Variants in DYNC2H1 observed in about 807,000 individuals in gnomAD.
DYNC2H1 encodes the protein dynein cytoplasmic 2 heavy chain 1.
In DYNC2H1, 410 loss-of-function variants were observed where a neutral mutation model predicts 570.0. The ratio of observed to expected loss-of-function variants is 0.72; its 90% CI spans 0.66 to 0.78. The LOEUF (loss-of-function observed/expected upper bound fraction) is 0.78, where lower values mean the gene tolerates loss of function less well. Ranked by LOEUF, DYNC2H1 falls within the 30% of genes least tolerant of loss-of-function variation. The probability of loss-of-function intolerance (pLI) is 0.00; values close to 1 mark genes in which losing one functional copy is unlikely to be tolerated. For missense variants in DYNC2H1, 4,865 were observed against 5,046.4 expected, an observed-to-expected ratio of 0.96 and a Z score of 1.09; for synonymous variants, 1,688 against 1,677.6, an observed-to-expected ratio of 1.01 and a Z score of -0.15.
At chr11:103,119,809 T>C (rs777851471) in intron 6 of DYNC2H1, among the ~76,000 whole-genome samples, 1 of 152,232 alleles carries the variant, frequency 6.6e-6, no homozygotes, top group African/African-American at 2.4e-5. Flanking sequence ...TACTTAGTTA[T>C]CAATGCTGTT....
chr11:103,317,943 A>C (rs1053234178), intron 80 of DYNC2H1, among the ~76,000 whole-genome samples: 2 of 152,096 alleles, frequency 1.3e-5, no homozygotes, highest in African/African-American at 4.8e-5. Context: ...ATTTTAAAGT[A>C]AGATCTTTGT....
intron 62 of DYNC2H1, 45 bp from the exon 63 acceptor site, chr11:103,236,385 G>A: frequency 8.8e-7 from 1 of 1,131,354 alleles, no homozygotes; most frequent in South Asian, 1.2e-5. Context: ...CCTTCATCAA[G>A]TACAAGATCG....
chr11:103,244,867 T>C lies in DYNC2H1; in HGVS notation c.9919-384T>C, dbSNP rs1164130209. Among the ~76,000 whole-genome samples the C allele has an allele frequency of 2.7e-5, 4 of 150,902 alleles. No homozygotes were observed. The highest frequency in any genetic ancestry group is 9.7e-5 in the African/African-American group (4 of 41,198). ...ATATATATGTACACACACACATATA[T>C]ATATACACACACATACCACACATAC... On this transcript the variant is annotated intron_variant, in intron 64 of 88. Coordinates refer to ENST00000375735, the MANE Select transcript of DYNC2H1 (RefSeq NM_001377.3). The surrounding 1 kb of genome is among the most constrained non-coding windows in gnomAD (Gnocchi z 4.3).
intron 31 of DYNC2H1, among the ~76,000 whole-genome samples, chr11:103,166,390 C>A (rs1861304492): frequency 6.6e-6 from 1 of 152,070 alleles, no homozygotes; most frequent in Admixed American, 6.6e-5. Context: ...GGAGAACAAT[C>A]TTTTATATAT....
chr11:103,360,197 A>G (rs1483411538), intron 83 of DYNC2H1, among the ~76,000 whole-genome samples: 2 of 152,084 alleles, frequency 1.3e-5, no homozygotes, highest in South Asian at 2.1e-4. Flanking sequence ...GGGAAATCAT[A>G]ATTTCCCCTA....
intron 16 of DYNC2H1, 34 bp downstream of exon 16, chr11:103,135,668 A>T: frequency 6.2e-7 from 1 of 1,608,448 alleles, no homozygotes; most frequent in Non-Finnish European, 8.5e-7. Context: ...TTTAATGTTC[A>T]TTGTATAATT....
At chr11:103,188,884 T>C (rs1862184630) in intron 44 of DYNC2H1, among the ~76,000 whole-genome samples, 1 of 152,098 alleles carries the variant, frequency 6.6e-6, no homozygotes, top group South Asian at 2.1e-4. Flanking sequence ...CGAAACTGTT[T>C]TGTGTAGTCT....
intron 87 of DYNC2H1, among the ~76,000 whole-genome samples, chr11:103,467,130 A>G (rs1436942185): frequency 1.3e-5 from 2 of 152,210 alleles, no homozygotes; most frequent in African/African-American, 4.8e-5. Flanking sequence ...GATTGGAAAC[A>G]TGAAAAACAA....
At chr11:103,423,667 G>A (rs937057857) in intron 84 of DYNC2H1, among the ~76,000 whole-genome samples, 1 of 151,586 alleles carries the variant, frequency 6.6e-6, no homozygotes, top group Non-Finnish European at 1.5e-5. Context: ...CACAGAATAG[G>A]AGAAAATAAT....
intron 82 of DYNC2H1, among the ~76,000 whole-genome samples, chr11:103,345,933 A>G (rs781593520): frequency 2.0e-5 from 3 of 152,170 alleles, no homozygotes; most frequent in Non-Finnish European, 4.4e-5. Context: ...TAAAAGTTAT[A>G]TATGTTTTTG....
At position 103,119,469 on chromosome 11, in the gene DYNC2H1, A is replaced by G. The variant is rs1003081962; in HGVS notation, c.1000-978A>G. Among the ~76,000 whole-genome samples the G allele has an allele frequency of 3.3e-5, 5 of 152,108 alleles. 1 individual carries two copies. The highest frequency in any genetic ancestry group is 4.8e-5 in the African/African-American group (2 of 41,422). On this transcript the variant is annotated intron_variant, in intron 6 of 88. Coordinates refer to ENST00000375735, the MANE Select transcript of DYNC2H1 (RefSeq NM_001377.3). ...GTTCTCCTGCTTCAGCCTCCTGAGTAGCTGGGACTACAGGTGCACGCCACC... is the reference window on the plus strand; with the variant it reads ...GTTCTCCTGCTTCAGCCTCCTGAGTGGCTGGGACTACAGGTGCACGCCACC...
intron 82 of DYNC2H1, among the ~76,000 whole-genome samples, chr11:103,329,586 G>A (rs1349554975): frequency 6.6e-6 from 1 of 152,124 alleles, no homozygotes; most frequent in Non-Finnish European, 1.5e-5. Context: ...AAGATTCAGG[G>A]AGAAATTGTT....
At chr11:103,274,399 A>G (rs915860688) in intron 70 of DYNC2H1, among the ~76,000 whole-genome samples, 4 of 152,144 alleles carry the variant, frequency 2.6e-5, no homozygotes, top group Admixed American at 6.6e-5. Flanking sequence ...AATTTGCTAT[A>G]TCATTAAATT....
chr11:103,115,803 CA>C (rs960985425), intron 4 of DYNC2H1, among the ~76,000 whole-genome samples: 2 of 151,368 alleles, frequency 1.3e-5, no homozygotes, highest in South Asian at 2.1e-4. Flanking sequence ...AAACAAAAAA[CA>C]AAAAAAACCC....
chr11:103,353,071 C>A (rs1194331989), intron 82 of DYNC2H1, among the ~76,000 whole-genome samples: 2 of 152,144 alleles, frequency 1.3e-5, no homozygotes, highest in Non-Finnish European at 2.9e-5. Context: ...ACCATATGTT[C>A]TCCTTCATAA....
At chr11:103,265,899 A>G (rs542792786) in intron 70 of DYNC2H1, among the ~76,000 whole-genome samples, 217 of 152,138 alleles carry the variant, frequency 1.4e-3, no homozygotes, top group Middle Eastern at 0.01. Context: ...TTTAAGCTGG[A>G]TTTAGTTAGC....
chr11:103,310,487 T>C (rs1867524822), intron 78 of DYNC2H1, among the ~76,000 whole-genome samples: 1 of 152,020 alleles, frequency 6.6e-6, no homozygotes, highest in African/African-American at 2.4e-5. Flanking sequence ...GTATGATCTT[T>C]AGTGTAGTGC....
At position 103,452,515 on chromosome 11, in the gene DYNC2H1, G is replaced by C. The variant is rs988932109; in HGVS notation, c.12457-2671G>C. On this transcript the variant is annotated intron_variant, in intron 85 of 88. Transcript: ENST00000375735. ...CTTCTATATCCCTAAAAATATTAGT[G>C]TTAATTAATATGTAAAAGATATGGA... Among the ~76,000 whole-genome samples the C allele has an allele frequency of 3.3e-5, 5 of 151,632 alleles. No individual in the cohort carries two copies. In the South Asian group the frequency reaches 1.0e-3, roughly 32 times the overall value.
chr11:103,222,318 G>C (rs1156929215), intron 58 of DYNC2H1, among the ~76,000 whole-genome samples, 165 bp downstream of exon 58: 1 of 152,048 alleles, frequency 6.6e-6, no homozygotes, highest in Admixed American at 6.6e-5. Flanking sequence ...ATCAGAATCA[G>C]GTAAATTAGA....
Sources: gnomAD v4.1 joint callset for allele counts (sites outside exome capture counted in the v4.1 genomes callset) on GRCh38, gnomAD v4.1.1 for gene constraint, Gnocchi (gnomAD v3.1) non-coding constraint, MANE v1.5 for transcripts, NCBI Gene and HGNC (gene_info 2026-07-23, HGNC 2026-07-21) for gene names.